The following KIAA1671 variants were observed in gnomAD, a reference collection of about 807,000 sequenced individuals.
KIAA1671 encodes the protein KIAA1671.
In KIAA1671, 52 loss-of-function variants were observed where a neutral mutation model predicts 131.2. The observed-to-expected ratio is 0.40, with a 90% CI of 0.32 to 0.50. KIAA1671 has a LOEUF of 0.50. KIAA1671 is among the 20% of genes least tolerant of loss of function. KIAA1671 has a pLI of 0.73. For missense variants in KIAA1671, 2,360 were observed against 2,364.2 expected (o/e 1.00, Z 0.04); for synonymous variants, 1,003 against 961.6 (o/e 1.04, Z -0.80).
intron 6 of KIAA1671, chr22:25,052,053 C>T (rs1261220013): frequency 6.6e-6 from 1 of 152,364 alleles, no homozygotes; most frequent in Non-Finnish European, 1.5e-5. Context: ...CGGGGCCTAT[C>T]TCACTCCAGC....
Position 25,190,729 on chromosome 22 carries a change from A to G in KIAA1671, c.5370A>G (p.Leu1790=). The change falls in exon 12 of 13, where the codon CTA becomes CTG. Residue 1790 remains leucine (L), a synonymous_variant. Coordinates refer to ENST00000358431, the MANE Select transcript of KIAA1671 (RefSeq NM_001145206.2). ...ERSDEPSPQW[L]KELKSKKRQS... ...CGGATGAACCCTCTCCCCAGTGGCT[A>G]AAGGAATTGAAATCCAAGAAGAGGC... 1 of 1,551,746 alleles carries G rather than the reference A, an allele frequency of 6.4e-7. No homozygotes were observed. The highest frequency in any genetic ancestry group is 8.7e-7 in the Non-Finnish European group (1 of 1,146,856).
intron 6 of KIAA1671, among the ~76,000 whole-genome samples, chr22:25,133,420 A>G (rs1932534083): frequency 6.6e-6 from 1 of 152,234 alleles, no homozygotes; most frequent in East Asian, 1.9e-4. Flanking sequence ...TGCATAACAC[A>G]CTTCAAATGG....
chr22:24,990,388 G>A (rs1313704087), intron 1 of KIAA1671, among the ~76,000 whole-genome samples: 2 of 152,176 alleles, frequency 1.3e-5, no homozygotes, highest in Non-Finnish European at 2.9e-5. Flanking sequence ...ACCTTGCCTG[G>A]CCTGTTTACT....
At chr22:25,084,017 G>A (rs1037005585) in intron 6 of KIAA1671, among the ~76,000 whole-genome samples, 2 of 152,256 alleles carry the variant, frequency 1.3e-5, no homozygotes, top group Admixed American at 6.5e-5. Flanking sequence ...CTTGTCTTGA[G>A]GACAAAGCGG....
At chr22:25,001,477 G>A (rs1170313192) in intron 1 of KIAA1671, among the ~76,000 whole-genome samples, 1 of 152,134 alleles carries the variant, frequency 6.6e-6, no homozygotes, top group Non-Finnish European at 1.5e-5. Context: ...ATTTTGGAAA[G>A]TTGATGCCTG....
At position 24,988,733 on chromosome 22, in the gene KIAA1671, C is replaced by CT. The variant is rs1396332623; in HGVS notation, c.-208+35962dup. ...CCTGGGTGAAAGAGCGAGACTCCAT[C>CT]TCAAAAAAAAAAAAAAAAAAAATGG... On this transcript the variant is annotated intron_variant, in intron 1 of 12. Coordinates refer to ENST00000358431, the MANE Select transcript of KIAA1671 (RefSeq NM_001145206.2). Among the ~76,000 whole-genome samples, 5 of 79,688 alleles carry CT rather than the reference C, an allele frequency of 6.3e-5. 1 individual carries two copies. The highest frequency in any genetic ancestry group is 5.4e-4 in the East Asian group (1 of 1,850). 52.3% of individuals were successfully genotyped at this position (79,688 alleles called of 152,430 possible). A position where few individuals can be genotyped will look rare whatever the true frequency, so the allele number is the denominator to read the frequency against.
chr22:25,090,739 A>AG (rs1929989331), intron 6 of KIAA1671, among the ~76,000 whole-genome samples: 1 of 152,128 alleles, frequency 6.6e-6, no homozygotes, highest in Non-Finnish European at 1.5e-5. Flanking sequence ...TGTTATCATC[A>AG]TTTTATCACA....
chr22:25,090,110 G>C (rs1006652253), intron 6 of KIAA1671, among the ~76,000 whole-genome samples: 12 of 152,244 alleles, frequency 7.9e-5, no homozygotes, highest in African/African-American at 2.9e-4. Flanking sequence ...CATCTGTGAG[G>C]ATCCAGGGAG....
intron 6 of KIAA1671, chr22:25,112,236 G>A: frequency 2.5e-6 from 1 of 398,994 alleles, no homozygotes; most frequent in East Asian, 3.6e-5. Context: ...CAGTGGATGG[G>A]CACCGTGAGG....
intron 6 of KIAA1671, among the ~76,000 whole-genome samples, chr22:25,162,627 G>A (rs1034112983): frequency 6.6e-6 from 1 of 152,184 alleles, no homozygotes; most frequent in Non-Finnish European, 1.5e-5. Flanking sequence ...ACTACTAGAG[G>A]TGAGGTGTTG....
intron 1 of KIAA1671, among the ~76,000 whole-genome samples, chr22:24,979,194 T>TTTTTTTG (rs1923085440): frequency 9.9e-6 from 1 of 101,502 alleles, no homozygotes; most frequent in African/African-American, 4.2e-5. Flanking sequence ...TTTTTTTTTT[T>TTTTTTTG]AGTAGAGATG....
chr22:25,029,520 G>C lies in KIAA1671; in HGVS notation c.1521G>C (p.Leu507=). Residue 507 remains leucine, a synonymous_variant, in exon 3 of 13, where the codon CTG becomes CTC. Transcript: ENST00000358431. ...VRRRTFQARP[L]SADLTKLFSS... ...GGAGGACGTTCCAGGCTCGGCCGCT[G>C]TCGGCGGATTTGACCAAATTGTAAG... 1 of 1,545,098 alleles carries C rather than the reference G, an allele frequency of 6.5e-7. No individual in the cohort carries two copies. The highest frequency in any genetic ancestry group is 8.7e-7 in the Non-Finnish European group (1 of 1,143,784).
At chr22:25,018,231 A>G (rs1925446374) in intron 1 of KIAA1671, among the ~76,000 whole-genome samples, 2 of 151,988 alleles carry the variant, frequency 1.3e-5, no homozygotes, top group South Asian at 4.1e-4. Flanking sequence ...GAACGTTCCC[A>G]CCGCATTCCC....
At chr22:25,161,975 T>C (rs1933458114) in intron 6 of KIAA1671, among the ~76,000 whole-genome samples, 1 of 152,110 alleles carries the variant, frequency 6.6e-6, no homozygotes, top group African/African-American at 2.4e-5. Flanking sequence ...GAGAATGTGC[T>C]GTCTTTGGAT....
intron 6 of KIAA1671, chr22:25,051,440 C>G (rs1209697402): frequency 1.3e-5 from 2 of 152,154 alleles, no homozygotes; most frequent in Non-Finnish European, 2.9e-5. Flanking sequence ...TCTCTATGAC[C>G]TCAAGAGTAT....
rs542820547 is a variant in KIAA1671 at position 25,190,849 on chromosome 22, G to C, written c.*4+65G>C. On this transcript the variant is annotated intron_variant, in intron 12 of 12. Coordinates refer to ENST00000358431, the MANE Select transcript of KIAA1671 (RefSeq NM_001145206.2). Reference sequence around the variant, plus strand: ...GCAGTCACAGGAATGGGGAACTCAGGGGGGCCACGCTTCAGAGACTGGGGC... The same window carrying C: ...GCAGTCACAGGAATGGGGAACTCAGCGGGGCCACGCTTCAGAGACTGGGGC... The C allele has an allele frequency of 2.2e-5, 25 of 1,135,908 alleles. No individual in the cohort carries two copies. The South Asian group carries it at 2.3e-4, about 10-fold the overall frequency. The allele number at this position is 1,135,908 out of a possible 1,614,324, so 70.4% of individuals were successfully genotyped here.
At chr22:25,104,101 C>G (rs1489221323) in intron 6 of KIAA1671, among the ~76,000 whole-genome samples, 1 of 152,168 alleles carries the variant, frequency 6.6e-6, no homozygotes, top group Non-Finnish European at 1.5e-5. Context: ...GCCTCAGCCT[C>G]CTGAGTAGCT....
chr22:25,155,132 T>C (rs1441982505), intron 6 of KIAA1671, among the ~76,000 whole-genome samples: 1 of 152,238 alleles, frequency 6.6e-6, no homozygotes, highest in Non-Finnish European at 1.5e-5. Flanking sequence ...TGCCCCTTGC[T>C]CTTTTTAAAC....
chr22:24,988,427 CTATT>C (rs1156913389), intron 1 of KIAA1671, among the ~76,000 whole-genome samples: 1 of 152,038 alleles, frequency 6.6e-6, no homozygotes. Flanking sequence ...TAGAAAATCA[CTATT>C]TATGTTAGTT....
Sources: gnomAD v4.1 joint callset for allele counts (sites outside exome capture counted in the v4.1 genomes callset) on GRCh38, gnomAD v4.1.1 for gene constraint, MANE v1.5 for transcripts, NCBI Gene and HGNC (gene_info 2026-07-23, HGNC 2026-07-21) for gene names.